The following INO80 variants were observed in gnomAD, a reference collection of about 807,000 sequenced individuals.
INO80 encodes the protein chromatin-remodeling ATPase INO80.
A neutral mutation model predicts 203.4 loss-of-function variants in INO80; 20 were observed. The observed-to-expected ratio is 0.10, with a 90% CI of 0.07 to 0.14. The LOEUF is 0.14. INO80 is among the 10% of genes least tolerant of loss of function. The probability of loss-of-function intolerance (pLI) is 1.00; values close to 1 mark genes in which losing one functional copy is unlikely to be tolerated. For synonymous variants in INO80, 726 were observed against 685.2 expected (o/e 1.06, Z -0.93); for missense variants, 1,419 against 1,914.4 (o/e 0.74, Z 4.83).
intron 1 of INO80, among the ~76,000 whole-genome samples, chr15:41,113,053 C>CTACA (rs2045980544): frequency 6.6e-6 from 1 of 150,678 alleles, no homozygotes; most frequent in Non-Finnish European, 1.5e-5. Context: ...GTAGCTGGGA[C>CTACA]TACAGGTGCA....
chr15:41,046,202 CATACATATATATATATATATATAT>C lies in INO80; in HGVS notation c.2736-1151_2736-1128del, dbSNP rs1158321500. Among the ~76,000 whole-genome samples the C allele has an allele frequency of 6.4e-3, 696 of 109,490 alleles. 66 individuals carry two copies. Among genetic ancestry groups the C allele is most frequent in the African/African-American group, 0.016 (356 of 22,268 alleles). 71.8% of individuals were successfully genotyped at this position (109,490 alleles called of 152,430 possible). On this transcript the variant is annotated intron_variant, in intron 23 of 35. Transcript: ENST00000648947. The stretch of plus-strand genomic sequence containing the variant: ...CTGTGTGTGTCTCTGTGTGCGTATA[CATACATATATATATATATATATAT>C]ATATATATATATATATATATATATA...
chr15:41,058,589 G>C (rs1261624132), intron 16 of INO80, 50 bp downstream of exon 16: 8 of 1,450,986 alleles, frequency 5.5e-6, no homozygotes, highest in Non-Finnish European at 7.7e-6. Flanking sequence ...GTGTGTGTGT[G>C]TGTGTACTTA....
intron 29 of INO80, among the ~76,000 whole-genome samples, chr15:40,992,727 C>G (rs2043831946): frequency 6.6e-6 from 1 of 152,128 alleles, no homozygotes; most frequent in Non-Finnish European, 1.5e-5. Context: ...CAAGTGAATC[C>G]CCAAGCCCTT....
At chr15:41,027,809 C>A in intron 24 of INO80, 73 bp from the exon 25 acceptor site, 1 of 1,143,506 alleles carries the variant, frequency 8.7e-7, no homozygotes. Flanking sequence ...AAAAAAGCCA[C>A]ATATTAAACA....
In INO80 at chr15:41,071,974, T is replaced by G; in HGVS notation, c.1480A>C (p.Ser494Arg). The change falls in exon 12 of 36, where the codon AGT becomes CGT. Residue 494 changes from serine to arginine, a missense_variant. Ser to Arg is a moderately radical substitution (Grantham distance 110, BLOSUM62 -1). Coordinates refer to ENST00000648947, the MANE Select transcript of INO80 (RefSeq NM_017553.3). ...ATAGATGGGTTAGCCAGGCTATAAC[T>G]CTCCCCAAACCCAGTGCCAGACTTG... ...ANKSGTGFGE[S>R]YSLANPSIRA... 7 of 1,613,072 alleles carry G rather than the reference T, an allele frequency of 4.3e-6. No homozygotes were observed. Among genetic ancestry groups the G allele is most frequent in the Non-Finnish European group, 5.1e-6 (6 of 1,179,832 alleles).
At chr15:41,096,003 T>G in intron 2 of INO80, 75 bp from the exon 3 acceptor site, 1 of 1,462,946 alleles carries the variant, frequency 6.8e-7, no homozygotes, top group Non-Finnish European at 9.3e-7. Context: ...CTGGACACTT[T>G]ACAGAAGAAA....
At chr15:41,060,003 C>G in intron 14 of INO80, 77 bp from the exon 15 acceptor site, 1 of 1,024,812 alleles carries the variant, frequency 9.8e-7, no homozygotes, top group Admixed American at 2.4e-5. Flanking sequence ...TAATTCGGAA[C>G]AATTTAAAAA....
chr15:41,062,355 A>G (rs2045127452), intron 14 of INO80, among the ~76,000 whole-genome samples: 1 of 151,996 alleles, frequency 6.6e-6, no homozygotes, highest in Admixed American at 6.6e-5. Context: ...TAATCTCAGC[A>G]CTCTGGGAGG....
chr15:41,096,068 C>A, intron 2 of INO80, 100 bp downstream of exon 2: 1 of 1,428,242 alleles, frequency 7.0e-7, no homozygotes, highest in Non-Finnish European at 9.4e-7. Flanking sequence ...AAGAAAATAT[C>A]AAACATAAAA....
chr15:41,096,365 A>T lies in INO80; in HGVS notation c.-43-12T>A, dbSNP rs1374112179. The T allele has an allele frequency of 6.7e-7, 1 of 1,484,618 alleles. No individual in the cohort carries two copies. 92.0% of individuals were successfully genotyped at this position (1,484,618 alleles called of 1,614,324 possible). A position where few individuals can be genotyped will look rare whatever the true frequency, so the allele number is the denominator to read the frequency against. On this transcript the variant is annotated splice_polypyrimidine_tract_variant and intron_variant, in intron 1 of 35. Transcript: ENST00000648947. ...CTCCGACTGCACGGCTGCAGAACAGAGATAAGAAGTGAAAGATGAAATTAC... is the reference window on the plus strand; with the variant it reads ...CTCCGACTGCACGGCTGCAGAACAGTGATAAGAAGTGAAAGATGAAATTAC...
intron 24 of INO80, among the ~76,000 whole-genome samples, chr15:41,036,155 C>CTA (rs1555401549): frequency 7.6e-5 from 1 of 13,244 alleles, no homozygotes; most frequent in Non-Finnish European, 1.6e-4. Flanking sequence ...AACTCTCTCT[C>CTA]GAAAAAAAAA....
intron 1 of INO80, among the ~76,000 whole-genome samples, chr15:41,096,995 T>C (rs992166738): frequency 6.6e-6 from 1 of 152,256 alleles, no homozygotes; most frequent in African/African-American, 2.4e-5. Context: ...CTACCTTACA[T>C]TGTTAAAGAC....
chr15:41,069,759 A>G, intron 13 of INO80, 94 bp from the exon 14 acceptor site: 1 of 700,026 alleles, frequency 1.4e-6, no homozygotes, highest in East Asian at 2.7e-5. Flanking sequence ...TAAGAATAGG[A>G]AACAAATAAC....
rs773955198 is a variant in INO80, at chr15:41,096,214, G to C, written c.97C>G (p.His33Asp). 3 of 1,613,014 alleles carry C rather than the reference G, an allele frequency of 1.9e-6. No individual in the cohort carries two copies. The South Asian group carries it at 3.3e-5, about 18-fold the overall frequency. The change falls in exon 2 of 36, where the codon CAT (histidine) becomes GAT (aspartate). Residue 33 changes from histidine (H) to aspartate (D), a missense_variant. Physicochemically the swap from His to Asp is moderately conservative, Grantham distance 81 (BLOSUM62 -1). This residue lies in a region of INO80 where 323 missense variants were observed against 325.4 expected (regional missense o/e 0.99). Coordinates refer to ENST00000648947, the MANE Select transcript of INO80 (RefSeq NM_017553.3). ...QYLERALRLDHFLRQTSAIFN... is the reference protein window; with the variant it reads ...QYLERALRLDDFLRQTSAIFN... ...ATAGCTGACGTTTGTCGCAGAAAAT[G>C]GTCCAACCGGAGGGCCCTCTCCAAG...
intron 28 of INO80, chr15:41,005,246 GA>G (rs1325319681): frequency 5.5e-6 from 1 of 180,792 alleles, no homozygotes; most frequent in African/African-American, 2.4e-5. Context: ...AAGCAATGAG[GA>G]ATACAGGCTG....
chr15:41,096,878 T>A (rs2045732972), intron 1 of INO80, among the ~76,000 whole-genome samples: 1 of 152,220 alleles, frequency 6.6e-6, no homozygotes, highest in Admixed American at 6.5e-5. Context: ...TATTTTACTA[T>A]CCTTTGTAAA....
At chr15:41,080,912 A>T (rs1461703512) in intron 8 of INO80, 108 bp downstream of exon 8, 1 of 737,312 alleles carries the variant, frequency 1.4e-6, no homozygotes. Context: ...GAACTATTAG[A>T]TTCATGATCA....
Position 40,980,355 on chromosome 15 carries a change from A to C in INO80, c.4539T>G (p.Pro1513=). ...TTCCCTTGCTCAAAGGGGAACTCAA[A>C]GGAGAAGAGGCGCTTGAAGGTCCAA... The part of the protein sequence containing the change: ...ADFGPSSASS[P]LSSPLSKGNN... Residue 1513 remains proline, a synonymous_variant, in exon 36 of 36, where the codon CCT becomes CCG. Coordinates refer to ENST00000648947, the MANE Select transcript of INO80 (RefSeq NM_017553.3). 1 of 1,614,074 alleles carries C rather than the reference A, an allele frequency of 6.2e-7. No individual in the cohort carries two copies. The highest frequency in any genetic ancestry group is 8.5e-7 in the Non-Finnish European group (1 of 1,180,016).
chr15:41,041,016 A>G (rs1349503599), intron 24 of INO80, among the ~76,000 whole-genome samples: 1 of 152,178 alleles, frequency 6.6e-6, no homozygotes, highest in Non-Finnish European at 1.5e-5. Context: ...TAAAGACATA[A>G]TAAGACACCA....
Sources: gnomAD v4.1 joint callset for allele counts (sites outside exome capture counted in the v4.1 genomes callset) on GRCh38, gnomAD v4.1.1 for gene constraint, gnomAD v4.1.1 regional missense constraint, MANE v1.5 for transcripts, NCBI Gene and HGNC (gene_info 2026-07-23, HGNC 2026-07-21) for gene names.